POTEI: variants seen among roughly 807,000 people sequenced by gnomAD.
POTEI encodes the protein POTE ankyrin domain family member I.
POTEI carries 14 observed loss-of-function variants against 43.4 expected under a neutral mutation model. That is an observed-to-expected ratio of 0.32 (90% CI 0.21 to 0.50). The LOEUF (loss-of-function observed/expected upper bound fraction) is 0.50, where lower values mean the gene tolerates loss of function less well. Among genes scored for constraint, POTEI ranks in the 20% least tolerant of loss-of-function variants. The pLI is 0.98. For synonymous variants in POTEI, 95 were observed against 297.9 expected (o/e 0.32, Z 7.01); for missense variants, 235 against 795.4 (o/e 0.30, Z 8.47).
intron 13 of POTEI, among the ~76,000 whole-genome samples, chr2:130,470,113 TCAAA>T (rs1683007973): frequency 7.5e-6 from 1 of 133,292 alleles, no homozygotes; most frequent in African/African-American, 2.8e-5. Flanking sequence ...ATGAACCTTG[TCAAA>T]CATTTTTTAA....
At chr2:130,507,288 A>ATATATATATATATG (rs1684190829) in intron 1 of POTEI, among the ~76,000 whole-genome samples, 1 of 8,754 alleles carries the variant, frequency 1.1e-4, no homozygotes, top group African/African-American at 1.3e-4. Flanking sequence ...ATATATATAT[A>ATATATATATATATG]TATATATATA....
intron 9 of POTEI, among the ~76,000 whole-genome samples, chr2:130,483,965 G>A (rs1395177328): frequency 2.7e-5 from 4 of 149,988 alleles, no homozygotes; most frequent in Admixed American, 2.7e-4. Context: ...GTATTTATTA[G>A]GTAGCTACAT....
chr2:130,508,867 G>A lies in POTEI; in HGVS notation c.369C>T (p.Tyr123=), dbSNP rs774806248. ...GKSNVGAWGD[Y]DDSAFVEPRY... ...TCGGCTCCACGAAGGCGCTGTCGTC[G>A]TAGTCTCCCCAAGCACCCACGTTGC... Residue 123 remains tyrosine (Y), a synonymous_variant, in exon 1 of 15, where the codon TAC becomes TAT. Transcript: ENST00000451531. 80 of 1,578,306 alleles carry A rather than the reference G, an allele frequency of 5.1e-5. 1 individual carries two copies. The highest frequency in any genetic ancestry group is 6.2e-5 in the Non-Finnish European group (72 of 1,167,324).
chr2:130,506,516 C>CT (rs1203057209), intron 1 of POTEI, among the ~76,000 whole-genome samples: 309 of 2,790 alleles, frequency 0.11, 23 homozygotes, highest in South Asian at 0.25. Flanking sequence ...TTTTTTTTTT[C>CT]TTTTTTTTTT....
At position 130,483,599 on chromosome 2, in the gene POTEI, G is replaced by GTTTTTTT. The variant is rs1319437395; in HGVS notation, c.1410-1533_1410-1527dup. Among the ~76,000 whole-genome samples, 12 of 29,176 alleles carry GTTTTTTT rather than the reference G, an allele frequency of 4.1e-4. 1 individual carries two copies. Among genetic ancestry groups the GTTTTTTT allele is most frequent in the South Asian group, 4.9e-3 (2 of 412 alleles). The allele number at this position is 29,176 out of a possible 152,430, so 19.1% of individuals were successfully genotyped here. A position where few individuals can be genotyped will look rare whatever the true frequency, so the allele number is the denominator to read the frequency against. Reference sequence around the variant, plus strand: ...TGTTAGAAAGAACCATGTCAAACTTGTTTTTTTTTTTTTGAGACGGAGTCT... The same window carrying GTTTTTTT: ...TGTTAGAAAGAACCATGTCAAACTTGTTTTTTTTTTTTTTTTTTTTGAGACGGAGTCT... On this transcript the variant is annotated intron_variant, in intron 9 of 14. Coordinates refer to ENST00000451531, the MANE Select transcript of POTEI (RefSeq NM_001277406.2).
chr2:130,482,502 C>G (rs528160514), intron 9 of POTEI, among the ~76,000 whole-genome samples: 1 of 150,390 alleles, frequency 6.6e-6, no homozygotes, highest in South Asian at 2.1e-4. Flanking sequence ...TTTAAATGCT[C>G]AAAGAAATAG....
chr2:130,464,792 C>T (rs1291273378), intron 14 of POTEI, among the ~76,000 whole-genome samples: 7 of 148,708 alleles, frequency 4.7e-5, no homozygotes, highest in Admixed American at 2.0e-4. Flanking sequence ...TAACACTGAA[C>T]TCATTTAAGA....
At chr2:130,465,973 C>A (rs4092183) in intron 13 of POTEI, among the ~76,000 whole-genome samples, 1 of 38,562 alleles carries the variant, frequency 2.6e-5, no homozygotes, top group African/African-American at 5.4e-5. Context: ...GATAATTTTT[C>A]CAGGAACCTG....
chr2:130,479,065 T>C (rs1328581000), intron 10 of POTEI, among the ~76,000 whole-genome samples: 1 of 128,802 alleles, frequency 7.8e-6, no homozygotes, highest in Non-Finnish European at 1.6e-5. Flanking sequence ...CCAGGTTAAA[T>C]ACTAGTGTAC....
chr2:130,463,841 C>A lies in POTEI; in HGVS notation c.2203G>T (p.Val735Leu). The change falls in exon 15 of 15, where the codon GTG (valine) becomes TTG (leucine). Residue 735 changes from valine to leucine, a missense_variant. Coordinates refer to ENST00000451531, the MANE Select transcript of POTEI (RefSeq NM_001277406.2). ...ATGCCCTGCTGCCTGGGGCGCCCCA[C>A]GATGGAAGGGAAGACAGCCCGGGGG... The part of the protein sequence containing the change: ...DAPRAVFPSI[V>L]GRPRQQGMMG... 5.3e-6 allele frequency: 8 copies of A among 1,522,144 alleles called. No individual in the cohort carries two copies. The South Asian group carries it at 5.8e-5, about 11-fold the overall frequency. 94.3% of individuals were successfully genotyped at this position (1,522,144 alleles called of 1,614,324 possible).
At chr2:130,477,453 T>C (rs1573918345) in intron 10 of POTEI, among the ~76,000 whole-genome samples, 1 of 150,622 alleles carries the variant, frequency 6.6e-6, no homozygotes, top group African/African-American at 2.5e-5. Flanking sequence ...TTTCATCTTT[T>C]GAAACAATGC....
In POTEI at chr2:130,482,395, G is replaced by T. The variant is rs544539143; in HGVS notation, c.1410-322C>A. ...TGAACAGCTATTTGCTCTTGAACAA[G>T]CTGCTTCTCTTAGGCTTAATGTCTT... On this transcript the variant is annotated intron_variant, in intron 9 of 14. Transcript: ENST00000451531. Among the ~76,000 whole-genome samples the T allele has an allele frequency of 1.9e-3, 287 of 150,388 alleles. 6 individuals are homozygous for T. Among genetic ancestry groups the T allele is most frequent in the African/African-American group, 6.7e-3 (267 of 39,956 alleles).
At position 130,509,200 on chromosome 2, in the gene POTEI, A is replaced by G. The variant is rs1412038606; in HGVS notation, c.36T>C (p.Ser12=). Residue 12 remains serine (S), a synonymous_variant, in exon 1 of 15, where the codon TCT becomes TCC. Transcript: ENST00000451531. ...TGAGAACAAATGGCTTCTTCACAGA[A>G]GAGGCAGCCGGCATTGAATCAACCT... The part of the protein sequence containing the change: ...VAEVDSMPAA[S]SVKKPFVLRS... The G allele has an allele frequency of 6.1e-6, 9 of 1,479,246 alleles. No homozygotes were observed. Among genetic ancestry groups the G allele is most frequent in the Non-Finnish European group, 8.2e-6 (9 of 1,100,722 alleles). 91.6% of individuals were successfully genotyped at this position (1,479,246 alleles called of 1,614,324 possible). A position where few individuals can be genotyped will look rare whatever the true frequency, so the allele number is the denominator to read the frequency against.
intron 13 of POTEI, among the ~76,000 whole-genome samples, chr2:130,468,713 G>GGGA (rs1682943264): frequency 2.0e-5 from 3 of 146,944 alleles, no homozygotes; most frequent in Admixed American, 2.0e-4. Flanking sequence ...TGGGGGGGGG[G>GGGA]GTATCCTTAT....
Position 130,508,953 on chromosome 2 carries a change from T to G in POTEI, c.283A>C (p.Arg95=). 6.3e-7 allele frequency: 1 copy of G among 1,591,888 alleles called. No individual in the cohort carries two copies. Among genetic ancestry groups the G allele is most frequent in the Non-Finnish European group, 8.5e-7 (1 of 1,171,034 alleles). Residue 95 remains arginine, a synonymous_variant, in exon 1 of 15, where the codon AGG becomes CGG. Transcript: ENST00000451531. ...DHDDSAMKTL[R]SKMGKWCCHC... Reference sequence around the variant, plus strand: ...CAGCACCACTTGCCCATCTTGCTCCTGAGCGTCTTCATAGCGGAGTCGTCG... The same window carrying G: ...CAGCACCACTTGCCCATCTTGCTCCGGAGCGTCTTCATAGCGGAGTCGTCG...
chr2:130,468,540 C>CCCTT (rs1376703168), intron 13 of POTEI, among the ~76,000 whole-genome samples: 1 of 151,810 alleles, frequency 6.6e-6, no homozygotes, highest in Non-Finnish European at 1.5e-5. Context: ...CGCAAAGAGC[C>CCCTT]CCTTATGAAA....
chr2:130,479,251 T>C, intron 10 of POTEI, among the ~76,000 whole-genome samples: 1 of 150,740 alleles, frequency 6.6e-6, no homozygotes, highest in Non-Finnish European at 1.5e-5. Flanking sequence ...AACTGCCAAC[T>C]ATTAATGTTA....
At chr2:130,484,282 G>A (rs1683509550) in intron 9 of POTEI, among the ~76,000 whole-genome samples, 1 of 148,882 alleles carries the variant, frequency 6.7e-6, no homozygotes, top group Non-Finnish European at 1.5e-5. Context: ...CAGCGCTGAT[G>A]TCAAGATACA....
At chr2:130,470,870 G>T (rs60865151) in intron 13 of POTEI, among the ~76,000 whole-genome samples, 249 of 3,292 alleles carry the variant, frequency 0.076, 6 homozygotes, top group Non-Finnish European at 0.17. Context: ...TCCAGACACA[G>T]GGAACTGCTA....
Sources: gnomAD v4.1 joint callset for allele counts (sites outside exome capture counted in the v4.1 genomes callset) on GRCh38, gnomAD v4.1.1 for gene constraint, MANE v1.5 for transcripts, NCBI Gene and HGNC (gene_info 2026-07-23, HGNC 2026-07-21) for gene names.